Variants in CAST observed in about 807,000 individuals in gnomAD.
The protein encoded by CAST is calpastatin.
A neutral mutation model predicts 119.6 loss-of-function variants in CAST; 76 were observed. The observed-to-expected ratio is 0.64, with a 90% CI of 0.53 to 0.77. The LOEUF (loss-of-function observed/expected upper bound fraction) is 0.77, where lower values mean the gene tolerates loss of function less well. Ranked by LOEUF, CAST falls within the 30% of genes least tolerant of loss-of-function variation. The pLI is 0.00. For missense variants in CAST, 953 were observed against 946.5 expected (o/e 1.01, Z -0.09); for synonymous variants, 319 against 331.6 (o/e 0.96, Z 0.41).
At chr5:96,495,230 G>A in the CAST span, among the ~76,000 whole-genome samples, 1 of 151,560 alleles carries the variant, frequency 6.6e-6, no homozygotes, top group Non-Finnish European at 1.5e-5. Flanking sequence ...TTGTAATACT[G>A]TTTTGTAGAT....
the CAST span, among the ~76,000 whole-genome samples, chr5:96,353,895 C>T: frequency 6.6e-6 from 1 of 152,198 alleles, no homozygotes; most frequent in Non-Finnish European, 1.5e-5. Context: ...CTATCTCGAT[C>T]ATCTGTATCT....
the CAST span, among the ~76,000 whole-genome samples, chr5:96,241,172 AT>A: frequency 6.7e-6 from 1 of 149,388 alleles, no homozygotes; most frequent in South Asian, 2.2e-4. Flanking sequence ...TTAACTCGTC[AT>A]TTAGCATTAG....
In CAST at chr5:96,616,761, C is replaced by T. The variant is rs938959796; in HGVS notation, c.61-58778C>T. Among the ~76,000 whole-genome samples the T allele has an allele frequency of 3.8e-3, 531 of 139,820 alleles. 7 individuals carry two copies. Among genetic ancestry groups the T allele is most frequent in the African/African-American group, 0.015 (477 of 32,716 alleles). 91.7% of individuals were successfully genotyped at this position (139,820 alleles called of 152,430 possible). On this transcript the variant is annotated intron_variant, in intron 1 of 11. Coordinates refer to the CAST transcript ENST00000505143. ...CTCTCTCTCTATATATATACACACA[C>T]ACACACACACACACACACACACACA... is the stretch of plus-strand genomic sequence containing the variant.
At chr5:96,456,674 T>C in the CAST span, among the ~76,000 whole-genome samples, 5 of 152,214 alleles carry the variant, frequency 3.3e-5, no homozygotes, top group Non-Finnish European at 5.9e-5. Context: ...GATGTGGACA[T>C]ATTCTTGGCC....
At chr5:96,300,508 A>G in the CAST span, among the ~76,000 whole-genome samples, 1 of 151,604 alleles carries the variant, frequency 6.6e-6, no homozygotes, top group Admixed American at 6.6e-5. Context: ...GTTGCTTTGT[A>G]GTACAGTTTG....
At chr5:96,179,996 C>T in the CAST span, among the ~76,000 whole-genome samples, 1 of 151,254 alleles carries the variant, frequency 6.6e-6, no homozygotes, top group South Asian at 2.1e-4. Flanking sequence ...AGATTGCAGC[C>T]TGGGAGACAG....
intron 20 of CAST, among the ~76,000 whole-genome samples, chr5:96,753,342 T>C (rs17401719): frequency 0.24 from 36,746 of 152,090 alleles, 4,919 homozygotes; most frequent in Non-Finnish European, 0.32. Context: ...CCATGAACCA[T>C]TAAGTTGATT....
the CAST span, among the ~76,000 whole-genome samples, chr5:96,482,004 A>G: frequency 9.9e-3 from 1,499 of 152,174 alleles, 7 homozygotes; most frequent in Non-Finnish European, 0.016. Context: ...GCCCCACATC[A>G]CTCTTACATG....
At chr5:96,346,365 GATA>G in the CAST span, among the ~76,000 whole-genome samples, 32 of 152,148 alleles carry the variant, frequency 2.1e-4, no homozygotes, top group Non-Finnish European at 2.9e-5. Context: ...CAGGTGGTTA[GATA>G]TTCAGATTTT....
the CAST span, among the ~76,000 whole-genome samples, chr5:96,009,362 G>A: frequency 6.6e-6 from 1 of 152,154 alleles, no homozygotes; most frequent in Non-Finnish European, 1.5e-5. Flanking sequence ...GTAGCTCTGA[G>A]TTGTTTGACA....
the CAST span, among the ~76,000 whole-genome samples, chr5:95,969,788 G>T: frequency 3.3e-5 from 5 of 152,186 alleles, no homozygotes; most frequent in African/African-American, 1.2e-4. Flanking sequence ...TAGGTTAGCG[G>T]TATCAGTGGA....
At chr5:96,669,960 C>T (rs138137368) in intron 1 of CAST, among the ~76,000 whole-genome samples, 198 of 152,306 alleles carry the variant, frequency 1.3e-3, no homozygotes, top group African/African-American at 4.1e-3. Flanking sequence ...TGCCCTGACA[C>T]AAATGTTTCT....
At chr5:96,689,529 T>A (rs1382351703) in intron 2 of CAST, among the ~76,000 whole-genome samples, 1 of 152,212 alleles carries the variant, frequency 6.6e-6, no homozygotes, top group African/African-American at 2.4e-5. Flanking sequence ...GATCATTTGA[T>A]GAAAATAGCT....
At chr5:96,549,457 A>G (rs949740369) in intron 1 of CAST, among the ~76,000 whole-genome samples, 17 of 152,246 alleles carry the variant, frequency 1.1e-4, no homozygotes, top group African/African-American at 3.9e-4. Context: ...GCTCTGGTCT[A>G]TAGTTCCCAG....
intron 1 of CAST, among the ~76,000 whole-genome samples, chr5:96,558,810 C>T (rs948144424): frequency 6.6e-6 from 1 of 152,210 alleles, no homozygotes; most frequent in African/African-American, 2.4e-5. Flanking sequence ...CCTTCTGAAA[C>T]TATTCCAATC....
At chr5:96,414,925 G>A in the CAST span, among the ~76,000 whole-genome samples, 2 of 152,104 alleles carry the variant, frequency 1.3e-5, no homozygotes, top group Non-Finnish European at 2.9e-5. Flanking sequence ...TACATGTCAC[G>A]ATGTATATTT....
intron 1 of CAST, among the ~76,000 whole-genome samples, chr5:96,539,710 A>T (rs908054466): frequency 3.9e-5 from 6 of 152,150 alleles, no homozygotes; most frequent in African/African-American, 1.4e-4. Flanking sequence ...TTGTATCAAT[A>T]ATAAATAAAT....
chr5:96,251,230 T>A, the CAST span, among the ~76,000 whole-genome samples: 1 of 152,238 alleles, frequency 6.6e-6, no homozygotes, highest in East Asian at 1.9e-4. Flanking sequence ...TCGGCTGGGC[T>A]GATTTCTTCA....
At chr5:96,565,928 G>C (rs1299824532) in intron 1 of CAST, among the ~76,000 whole-genome samples, 2 of 152,174 alleles carry the variant, frequency 1.3e-5, no homozygotes, top group Non-Finnish European at 2.9e-5. Flanking sequence ...TCGTGACCCA[G>C]ATATAAATAT....
Sources: allele counts gnomAD v4.1 joint callset (sites outside exome capture counted in the v4.1 genomes callset), GRCh38; gene constraint gnomAD v4.1.1; transcripts MANE v1.5; gene names NCBI Gene and HGNC (gene_info 2026-07-23, HGNC 2026-07-21).